Variants in GABRG3 observed in about 807,000 individuals in gnomAD.
The protein encoded by GABRG3 is gamma-aminobutyric acid type A receptor subunit gamma3, also known as gamma-aminobutyric acid receptor subunit gamma-3.
In GABRG3, 25 loss-of-function variants were observed where a neutral mutation model predicts 48.8. That is an observed-to-expected ratio of 0.51 (90% CI 0.37 to 0.72). The LOEUF is 0.72. Among genes scored for constraint, GABRG3 ranks in the 30% least tolerant of loss-of-function variants. The pLI, the probability that GABRG3 is intolerant of heterozygous loss-of-function variation, is 0.00. For missense variants in GABRG3, 394 were observed against 577.9 expected (o/e 0.68, Z 3.26); for synonymous variants, 227 against 217.6 (o/e 1.04, Z -0.38).
intron 3 of GABRG3, among the ~76,000 whole-genome samples, chr15:27,291,412 G>A (rs1270793654): frequency 1.3e-5 from 2 of 152,112 alleles, no homozygotes; most frequent in Non-Finnish European, 2.9e-5. Context: ...CCCTGTGCTT[G>A]GATGAAATAT....
chr15:27,359,281 G>T (rs9672371), intron 5 of GABRG3, among the ~76,000 whole-genome samples: 55,142 of 152,168 alleles, frequency 0.36, 12,406 homozygotes, highest in African/African-American at 0.63. Context: ...CCTCCAGCTC[G>T]CTTGCAGGCA....
chr15:27,397,895 C>T (rs1401226300), intron 5 of GABRG3, among the ~76,000 whole-genome samples: 1 of 151,558 alleles, frequency 6.6e-6, no homozygotes, highest in African/African-American at 2.4e-5. Flanking sequence ...AGCTCCGCCT[C>T]CCAGGTTCGT....
intron 6 of GABRG3, among the ~76,000 whole-genome samples, chr15:27,508,776 T>C (rs1890823075): frequency 1.3e-5 from 2 of 152,090 alleles, no homozygotes; most frequent in African/African-American, 2.4e-5. Flanking sequence ...TACAGTGGCG[T>C]GATCTCGGCT....
chr15:27,451,257 T>C (rs1437117320), intron 5 of GABRG3, among the ~76,000 whole-genome samples: 2 of 152,158 alleles, frequency 1.3e-5, no homozygotes, highest in Non-Finnish European at 2.9e-5. Flanking sequence ...ACAACAAAGT[T>C]GGAGGCATCA....
intron 5 of GABRG3, among the ~76,000 whole-genome samples, chr15:27,463,281 A>G (rs1292049193): frequency 6.6e-6 from 1 of 152,226 alleles, no homozygotes; most frequent in African/African-American, 2.4e-5. Flanking sequence ...TTAAAATTCT[A>G]TTGAAGAATG....
intron 7 of GABRG3, among the ~76,000 whole-genome samples, chr15:27,524,964 C>T (rs28641021): frequency 6.6e-6 from 1 of 152,094 alleles, no homozygotes; most frequent in Admixed American, 6.5e-5. Context: ...TACAATGTGT[C>T]TCCAAGAAAG....
At chr15:27,316,050 T>C (rs1893202654) in intron 3 of GABRG3, among the ~76,000 whole-genome samples, 1 of 152,206 alleles carries the variant, frequency 6.6e-6, no homozygotes, top group African/African-American at 2.4e-5. Context: ...CATTTCCTTA[T>C]TCTGCTTTAT....
chr15:27,321,890 C>G (rs1595675915), intron 3 of GABRG3, among the ~76,000 whole-genome samples: 1 of 152,220 alleles, frequency 6.6e-6, no homozygotes, highest in Admixed American at 6.5e-5. Flanking sequence ...AAATGATCCG[C>G]GTGTCGCGGT....
rs34692871 is a variant in GABRG3 at position 27,309,322 on chromosome 15, G to GTA, written c.271-17475_271-17474dup. ...TATATGTGTGTGTGTGTGTGTGTTTGTATATATATATATTTACCAATTTAA... is the reference window on the plus strand; with the variant it reads ...TATATGTGTGTGTGTGTGTGTGTTTGTATATATATATATATTTACCAATTTAA... On this transcript the variant is annotated intron_variant, in intron 3 of 9. Transcript: ENST00000615808. Among the ~76,000 whole-genome samples, 1,456 of 149,738 alleles carry GTA rather than the reference G, an allele frequency of 9.7e-3. 49 individuals carry two copies. In the East Asian group the frequency reaches 0.11, roughly 11 times the overall value.
chr15:27,517,440 A>G (rs11074288), intron 6 of GABRG3, among the ~76,000 whole-genome samples: 96,141 of 152,166 alleles, frequency 0.63, 31,741 homozygotes, highest in African/African-American at 0.83. Flanking sequence ...ATGGATGCCC[A>G]GGTAGACTTC....
rs1407962794 is a variant in GABRG3 at position 27,308,621 on chromosome 15, A to ATATAAACATAATGTAAACATACGCTTATG, written c.271-18178_271-18177insATGTAAACATACGCTTATGTATAAACATA. Among the ~76,000 whole-genome samples the ATATAAACATAATGTAAACATACGCTTATG allele has an allele frequency of 6.3e-4, 67 of 106,936 alleles. 3 individuals carry two copies. Among genetic ancestry groups the ATATAAACATAATGTAAACATACGCTTATG allele is most frequent in the African/African-American group, 9.2e-4 (33 of 35,812 alleles). The allele number at this position is 106,936 out of a possible 152,430, so 70.2% of individuals were successfully genotyped here. On this transcript the variant is annotated intron_variant, in intron 3 of 9. Coordinates refer to ENST00000615808, the MANE Select transcript of GABRG3 (RefSeq NM_033223.5). ...AAACATAATGTAAACATACGCTTAT[A>ATATAAACATAATGTAAACATACGCTTATG]TATAAACATATAATGTAAACATACG...
chr15:27,045,439 T>C (rs1896346609), intron 3 of GABRG3, among the ~76,000 whole-genome samples: 1 of 152,248 alleles, frequency 6.6e-6, no homozygotes, highest in Non-Finnish European at 1.5e-5. Flanking sequence ...CACAACCGAA[T>C]AGTGTCCCTT....
At chr15:27,410,661 C>T (rs922688706) in intron 5 of GABRG3, among the ~76,000 whole-genome samples, 25 of 152,076 alleles carry the variant, frequency 1.6e-4, no homozygotes, top group African/African-American at 4.3e-4. Flanking sequence ...TAGTATTTCC[C>T]GTAGAGAAGG....
intron 3 of GABRG3, among the ~76,000 whole-genome samples, chr15:27,035,930 G>A (rs1332033189): frequency 6.6e-6 from 1 of 152,334 alleles, no homozygotes; most frequent in Non-Finnish European, 1.5e-5. Flanking sequence ...TGCAGAAGAG[G>A]CTGTGGATTT....
chr15:27,206,617 C>T lies in GABRG3; in HGVS notation c.271-120192C>T, dbSNP rs147063804. ...CCCGAGATCTTCGTTAGTATTCTGCCTTGATTATAGGTCTAATACTGTCCG... is the reference window on the plus strand; with the variant it reads ...CCCGAGATCTTCGTTAGTATTCTGCTTTGATTATAGGTCTAATACTGTCCG... On this transcript the variant is annotated intron_variant, in intron 3 of 9. Coordinates refer to ENST00000615808, the MANE Select transcript of GABRG3 (RefSeq NM_033223.5). Among the ~76,000 whole-genome samples the T allele has an allele frequency of 1.9e-4, 29 of 152,158 alleles. No individual in the cohort carries two copies. In the East Asian group the frequency reaches 5.2e-3, roughly 27 times the overall value.
At chr15:27,169,626 A>C (rs1425910710) in intron 3 of GABRG3, among the ~76,000 whole-genome samples, 1 of 152,320 alleles carries the variant, frequency 6.6e-6, no homozygotes, top group Non-Finnish European at 1.5e-5. Flanking sequence ...CAGCAACAGC[A>C]TAGCCCAGCC....
chr15:27,313,258 GTGTGTATATATATATATATATATA>G (rs1349896201), intron 3 of GABRG3, among the ~76,000 whole-genome samples: 1 of 53,052 alleles, frequency 1.9e-5, no homozygotes, highest in Non-Finnish European at 3.3e-5. Flanking sequence ...GTGTGTGTGT[GTGTGTATATATATATATATATATA>G]TATATATATA....
intron 3 of GABRG3, among the ~76,000 whole-genome samples, chr15:27,266,285 T>TC (rs1566986350): frequency 6.6e-6 from 1 of 151,906 alleles, no homozygotes; most frequent in Admixed American, 6.6e-5. Flanking sequence ...TTGGAATTCT[T>TC]TTTTTTTCTG....
chr15:27,284,508 ACT>A, intron 3 of GABRG3, among the ~76,000 whole-genome samples: 1 of 152,158 alleles, frequency 6.6e-6, no homozygotes. Context: ...TGTCTCACAC[ACT>A]CTCTCTCTCA....
Sources: gnomAD v4.1 joint callset for allele counts (sites outside exome capture counted in the v4.1 genomes callset) on GRCh38, gnomAD v4.1.1 for gene constraint, MANE v1.5 for transcripts, NCBI Gene and HGNC (gene_info 2026-07-23, HGNC 2026-07-21) for gene names.